BCL11B: variants seen among roughly 807,000 people sequenced by gnomAD.
BCL11B encodes BCL11 transcription factor B.
BCL11B carries 8 observed loss-of-function variants against 49.9 expected under a neutral mutation model. The observed-to-expected ratio is 0.16, with a 90% CI of 0.09 to 0.29. The LOEUF (loss-of-function observed/expected upper bound fraction) is 0.29. Among genes scored for constraint, BCL11B ranks in the 10% least tolerant of loss-of-function variants. The pLI, the probability that BCL11B is intolerant of heterozygous loss-of-function variation, is 1.00. For missense variants in BCL11B, 1,006 were observed against 1,351.0 expected (o/e 0.74, Z 4.00); for synonymous variants, 739 against 637.4 (o/e 1.16, Z -2.40).
At chr14:99,176,441 A>C (rs1417878336) in intron 3 of BCL11B, among the ~76,000 whole-genome samples, 1 of 152,256 alleles carries the variant, frequency 6.6e-6, no homozygotes. Flanking sequence ...ACTTACTTCA[A>C]TTGTGTAAGA....
At chr14:99,230,728 G>A (rs1888304571) in intron 3 of BCL11B, among the ~76,000 whole-genome samples, 1 of 152,092 alleles carries the variant, frequency 6.6e-6, no homozygotes, top group Non-Finnish European at 1.5e-5. Context: ...AAACAGCTGT[G>A]TCTGGGTCTG....
rs544184248 is a variant in BCL11B, at chr14:99,232,609, C to T, written c.428-1052G>A. 1.3e-5 allele frequency among the ~76,000 whole-genome samples: 2 copies of T among 152,314 alleles called. No individual in the cohort carries two copies. The highest frequency in any genetic ancestry group is 4.1e-4 in the South Asian group (2 of 4,832). On this transcript the variant is annotated intron_variant, in intron 2 of 3. Transcript: ENST00000357195. The surrounding 1 kb of genome is among the most constrained non-coding windows in gnomAD (Gnocchi z 5.1). The stretch of plus-strand genomic sequence containing the variant: ...AGGGCCCCCACGTGGATTCCCCCAT[C>T]GCAAGGAGAGCCACAGGACCCTGCA...
At chr14:99,254,756 G>A (rs909232934) in intron 2 of BCL11B, among the ~76,000 whole-genome samples, 6 of 152,264 alleles carry the variant, frequency 3.9e-5, no homozygotes, top group Non-Finnish European at 7.3e-5. Context: ...AGCGTGGGCA[G>A]CAGCTGGACG....
At position 99,231,721 on chromosome 14, in the gene BCL11B, G is replaced by A. The variant is rs917188519; in HGVS notation, c.428-164C>T. ...TGCAGGGAAGGCAATCGGGACACAG[G>A]CGAGGGAATGGGCTCGGGGAGGTGG... On this transcript the variant is annotated intron_variant, in intron 2 of 3. Coordinates refer to ENST00000357195, the MANE Select transcript of BCL11B (RefSeq NM_138576.4). This position sits in a 1 kb window ranked among gnomAD's most constrained non-coding sequence, Gnocchi z 8.1. Among the ~76,000 whole-genome samples the A allele has an allele frequency of 7.9e-5, 12 of 151,934 alleles. No homozygotes were observed. The highest frequency in any genetic ancestry group is 2.9e-4 in the African/African-American group (12 of 41,388).
Position 99,176,103 on chromosome 14 carries a change from C to T in BCL11B, c.733G>A (p.Gly245Ser). The change falls in exon 4 of 4, where the codon GGC becomes AGC. Residue 245 changes from glycine to serine, a missense_variant. Coordinates refer to ENST00000357195, the MANE Select transcript of BCL11B (RefSeq NM_138576.4). ...CCGGGCTCCAGGTAGATGCGGAAGC[C>T]GTGCGTGTTCTGCGCGTGCTGCAGC... ...FLLQHAQNTH[G>S]FRIYLEPGPA... 4.3e-6 allele frequency: 7 copies of T among 1,610,120 alleles called. No individual in the cohort carries two copies. The highest frequency in any genetic ancestry group is 5.9e-6 in the Non-Finnish European group (7 of 1,178,200).
At chr14:99,214,717 C>T (rs1887782602) in intron 3 of BCL11B, among the ~76,000 whole-genome samples, 1 of 152,070 alleles carries the variant, frequency 6.6e-6, no homozygotes, top group African/African-American at 2.4e-5. Flanking sequence ...CTGGATGCAG[C>T]CTTCTTGGGA....
At chr14:99,190,621 GAAGGA>G (rs1886997392) in intron 3 of BCL11B, among the ~76,000 whole-genome samples, 1 of 152,154 alleles carries the variant, frequency 6.6e-6, no homozygotes, top group African/African-American at 2.4e-5. Flanking sequence ...GAAGAGGAAG[GAAGGA>G]AAGGAGGGAG....
Position 99,175,300 on chromosome 14 carries a change from C to A in BCL11B, c.1536G>T (p.Ala512=). Residue 512 remains alanine, a synonymous_variant, in exon 4 of 4, where the codon GCG becomes GCT. Transcript: ENST00000357195. The part of the protein sequence containing the change: ...TSELAGEGLK[A]ADGDFRHHES... ...CGTGGTGGCGGAAGTCACCGTCGGC[C>A]GCCTTGAGGCCCTCGCCCGCCAGCT... 1 of 1,540,048 alleles carries A rather than the reference C, an allele frequency of 6.5e-7. No homozygotes were observed.
intron 1 of BCL11B, among the ~76,000 whole-genome samples, chr14:99,266,769 C>T (rs972276487): frequency 1.3e-5 from 2 of 152,146 alleles, no homozygotes; most frequent in Admixed American, 6.5e-5. Flanking sequence ...CGCGGCTCGG[C>T]GTTTCAGCTT....
In BCL11B at chr14:99,174,852, T is replaced by C; in HGVS notation, c.1984A>G (p.Thr662Ala). Residue 662 changes from threonine to alanine, a missense_variant, in exon 4 of 4, where the codon ACC becomes GCC. By Grantham distance (58) the Thr-to-Ala change is moderately conservative. This residue lies in a region of BCL11B where 443 missense variants were observed against 499.7 expected (regional missense o/e 0.89). Coordinates refer to ENST00000357195, the MANE Select transcript of BCL11B (RefSeq NM_138576.4). The stretch of plus-strand genomic sequence containing the variant: ...GGGAAGAGCCCGGGGAAGGGCTCGG[T>C]GCCTGGCGCGAAGCCGCCCCCGCGC... Reference protein sequence around the residue: ...NGRGGGFAPGTEPFPGLFPRK... With the variant: ...NGRGGGFAPGAEPFPGLFPRK... 6 of 1,243,728 alleles carry C rather than the reference T, an allele frequency of 4.8e-6. No homozygotes were observed. Among genetic ancestry groups the C allele is most frequent in the Non-Finnish European group, 6.0e-6 (6 of 994,134 alleles). 77.0% of individuals were successfully genotyped at this position (1,243,728 alleles called of 1,614,324 possible). A position where few individuals can be genotyped will look rare whatever the true frequency, so the allele number is the denominator to read the frequency against.
Position 99,257,567 on chromosome 14 carries a change from C to T in BCL11B, c.331G>A (p.Glu111Lys), listed in dbSNP as rs773657707. ...ACTTGGATCCCGATCTCCACCGGCT[C>T]GGACACTTTCCTGAGCTCGGAGCGT... ...SSRSELRKVS[E>K]PVEIGIQVTP... The change falls in exon 2 of 4, where the codon GAG (glutamate) becomes AAG (lysine). Residue 111 changes from glutamate (E) to lysine (K), a missense_variant. Glu to Lys is a moderately conservative substitution (Grantham distance 56). This residue lies in a region of BCL11B where 411 missense variants were observed against 542.2 expected (regional missense o/e 0.76). Transcript: ENST00000357195. The surrounding 1 kb of genome is among the most constrained non-coding windows in gnomAD (Gnocchi z 6.2). 8 of 1,614,004 alleles carry T rather than the reference C, an allele frequency of 5.0e-6. No homozygotes were observed. In the East Asian group the frequency reaches 6.7e-5, roughly 13 times the overall value.
intron 3 of BCL11B, among the ~76,000 whole-genome samples, chr14:99,182,813 C>G (rs1016273827): frequency 2.0e-5 from 3 of 152,212 alleles, no homozygotes; most frequent in Non-Finnish European, 2.9e-5. Flanking sequence ...TAACCCCAGG[C>G]TCCAGGCAGT....
At chr14:99,243,644 C>T (rs1050202510) in intron 2 of BCL11B, among the ~76,000 whole-genome samples, 1 of 152,110 alleles carries the variant, frequency 6.6e-6, no homozygotes, top group African/African-American at 2.4e-5. Context: ...CTAGATTCTG[C>T]GGCTTTAACA....
At chr14:99,204,196 T>C (rs1323622924) in intron 3 of BCL11B, among the ~76,000 whole-genome samples, 1 of 152,142 alleles carries the variant, frequency 6.6e-6, no homozygotes, top group African/African-American at 2.4e-5. Flanking sequence ...TGTGAACCCA[T>C]CTCTGGGCAG....
intron 3 of BCL11B, among the ~76,000 whole-genome samples, 189 bp from the exon 4 acceptor site, chr14:99,176,384 A>C (rs1396901177): frequency 3.3e-5 from 5 of 152,170 alleles, no homozygotes; most frequent in Non-Finnish European, 2.9e-5. Context: ...GGGGGGCCGA[A>C]GACGCAGGTC....
chr14:99,220,600 T>G (rs535405289), intron 3 of BCL11B, among the ~76,000 whole-genome samples: 1 of 152,166 alleles, frequency 6.6e-6, no homozygotes, highest in African/African-American at 2.4e-5. Context: ...AAGTTAGTGT[T>G]TAATGGTGCC....
Position 99,173,344 on chromosome 14 carries a change from G to A in BCL11B, c.*807C>T, listed in dbSNP as rs1400477296. ...GGAGCCCTCCAAAAACCCTATCTCT[G>A]GCGGCGCTGAGTCTGTGGGGTGCCT... On this transcript the variant is annotated 3_prime_UTR_variant, in exon 4 of 4. Coordinates refer to ENST00000357195, the MANE Select transcript of BCL11B (RefSeq NM_138576.4). 3 of 221,220 alleles carry A rather than the reference G, an allele frequency of 1.4e-5. No homozygotes were observed. The highest frequency in any genetic ancestry group is 6.7e-5 in the African/African-American group (3 of 44,538). The allele number at this position is 221,220 out of a possible 1,614,324, so 13.7% of individuals were successfully genotyped here.
intron 1 of BCL11B, among the ~76,000 whole-genome samples, chr14:99,270,276 T>C (rs2139982713): frequency 6.6e-6 from 1 of 152,096 alleles, no homozygotes; most frequent in Non-Finnish European, 1.5e-5. Context: ...GATAGAAAGA[T>C]GGATACGAGA....
At chr14:99,183,286 T>A (rs571834165) in intron 3 of BCL11B, among the ~76,000 whole-genome samples, 1 of 152,242 alleles carries the variant, frequency 6.6e-6, no homozygotes, top group South Asian at 2.1e-4. Flanking sequence ...CCCAGAGAAC[T>A]TGGATAAGTT....
Sources: gnomAD v4.1 joint callset for allele counts (sites outside exome capture counted in the v4.1 genomes callset) on GRCh38, gnomAD v4.1.1 for gene constraint, gnomAD v4.1.1 regional missense constraint, Gnocchi (gnomAD v3.1) non-coding constraint, MANE v1.5 for transcripts, NCBI Gene and HGNC (gene_info 2026-07-23, HGNC 2026-07-21) for gene names.